Variants in THSD7B observed in about 807,000 individuals in gnomAD.
THSD7B encodes thrombospondin type-1 domain-containing protein 7B.
In THSD7B, 138 loss-of-function variants were observed where a neutral mutation model predicts 213.6. The observed-to-expected ratio is 0.65, with a 90% CI of 0.56 to 0.74. THSD7B has a LOEUF of 0.74. THSD7B is among the 30% of genes least tolerant of loss of function. The pLI is 0.00. For missense variants in THSD7B, 1,931 were observed against 1,991.5 expected, an observed-to-expected ratio of 0.97 and a Z score of 0.58; for synonymous variants, 742 against 687.0, an observed-to-expected ratio of 1.08 and a Z score of -1.25.
At chr2:137,350,848 G>A (rs1013756866) in intron 12 of THSD7B, among the ~76,000 whole-genome samples, 6 of 152,000 alleles carry the variant, frequency 3.9e-5, no homozygotes, top group Admixed American at 2.6e-4. Context: ...AAGGAAAGAC[G>A]AAACCAGGAC....
At chr2:136,881,583 A>G (rs1242719431) in intron 1 of THSD7B, among the ~76,000 whole-genome samples, 6 of 152,126 alleles carry the variant, frequency 3.9e-5, no homozygotes, top group South Asian at 2.1e-4. Flanking sequence ...TACAGAAGAA[A>G]CTTACTTGAT....
Position 137,438,924 on chromosome 2 carries a change from G to A in THSD7B, c.2960-11921G>A, listed in dbSNP as rs561647151. On this transcript the variant is annotated intron_variant, in intron 14 of 27. Coordinates refer to ENST00000409968, the MANE Select transcript of THSD7B (RefSeq NM_001316349.2). ...GGGTAGGCTGTAAAACCAATTATTA[G>A]CGTCCTTACAAGAGAAAAGAGAAAG... 5.9e-5 allele frequency among the ~76,000 whole-genome samples: 9 copies of A among 152,124 alleles called. No homozygotes were observed. The South Asian group carries it at 8.3e-4, about 14-fold the overall frequency.
intron 1 of THSD7B, among the ~76,000 whole-genome samples, chr2:136,775,602 G>A (rs887956163): frequency 6.6e-6 from 1 of 152,130 alleles, no homozygotes. Context: ...ATGCATATGG[G>A]AGGTGGGAAG....
chr2:137,442,991 T>C (rs1687450593), intron 14 of THSD7B, among the ~76,000 whole-genome samples: 1 of 152,158 alleles, frequency 6.6e-6, no homozygotes, highest in Non-Finnish European at 1.5e-5. Flanking sequence ...TGTTATGTGA[T>C]TAAAGCATTC....
chr2:136,902,290 C>A (rs115366438), intron 2 of THSD7B, among the ~76,000 whole-genome samples: 2,302 of 152,322 alleles, frequency 0.015, 31 homozygotes, highest in Middle Eastern at 0.041. Context: ...TCAGAACTGA[C>A]ACCGGAGATT....
intron 10 of THSD7B, among the ~76,000 whole-genome samples, chr2:137,267,891 G>A (rs1682633986): frequency 6.6e-6 from 1 of 152,132 alleles, no homozygotes; most frequent in East Asian, 1.9e-4. Flanking sequence ...ACTTTTTCTT[G>A]AGTATTCAGT....
At chr2:137,161,418 TGC>T (rs142258004) in intron 6 of THSD7B, among the ~76,000 whole-genome samples, 5,065 of 152,280 alleles carry the variant, frequency 0.033, 118 homozygotes, top group Middle Eastern at 0.051. Context: ...CTAGCATGCT[TGC>T]ATACCTAGCA....
chr2:137,221,782 A>G (rs2105045162), intron 7 of THSD7B, among the ~76,000 whole-genome samples: 1 of 152,314 alleles, frequency 6.6e-6, no homozygotes, highest in South Asian at 2.1e-4. Context: ...ACAGAGATAA[A>G]TGATTATTCT....
At chr2:137,603,241 T>C (rs1157381144) in intron 17 of THSD7B, among the ~76,000 whole-genome samples, 1 of 152,248 alleles carries the variant, frequency 6.6e-6, no homozygotes, top group African/African-American at 2.4e-5. Flanking sequence ...TTATCTCACT[T>C]CATTGCCTTC....
intron 5 of THSD7B, among the ~76,000 whole-genome samples, chr2:137,151,738 T>C (rs972789555): frequency 6.6e-6 from 1 of 152,184 alleles, no homozygotes; most frequent in African/African-American, 2.4e-5. Flanking sequence ...TGCTGTACTT[T>C]TATATGACTA....
At chr2:137,249,439 A>G (rs376555773) in intron 10 of THSD7B, among the ~76,000 whole-genome samples, 1 of 152,100 alleles carries the variant, frequency 6.6e-6, no homozygotes, top group Non-Finnish European at 1.5e-5. Context: ...TCTGGTCTAA[A>G]CTCCTTCAAA....
chr2:137,192,483 T>C (rs1487498416), intron 7 of THSD7B, among the ~76,000 whole-genome samples: 1 of 152,170 alleles, frequency 6.6e-6, no homozygotes, highest in African/African-American at 2.4e-5. Context: ...AAAGCATTGG[T>C]ATACTTGTAT....
chr2:137,102,596 TAAAGGAGCATG>T (rs1472805754), intron 4 of THSD7B, among the ~76,000 whole-genome samples: 3 of 152,108 alleles, frequency 2.0e-5, no homozygotes, highest in Non-Finnish European at 4.4e-5. Flanking sequence ...TCCTCCCAGC[TAAAGGAGCATG>T]TTCTAACCCA....
At chr2:137,473,093 G>GTTT (rs772865121) in intron 15 of THSD7B, among the ~76,000 whole-genome samples, 32 of 132,936 alleles carry the variant, frequency 2.4e-4, no homozygotes, top group African/African-American at 8.1e-4. Context: ...ACTATTAATT[G>GTTT]TTTTTTTTTT....
At chr2:137,301,094 A>G (rs577242988) in intron 12 of THSD7B, among the ~76,000 whole-genome samples, 2 of 152,214 alleles carry the variant, frequency 1.3e-5, no homozygotes, top group African/African-American at 2.4e-5. Context: ...CAATATAAAA[A>G]CCTGCCTCCC....
chr2:137,606,352 C>T (rs890140458), intron 17 of THSD7B, among the ~76,000 whole-genome samples: 2 of 152,102 alleles, frequency 1.3e-5, no homozygotes, highest in Non-Finnish European at 2.9e-5. Context: ...AAGTATGCAA[C>T]TGGATAACAC....
At chr2:136,940,133 T>A (rs1045391190) in intron 2 of THSD7B, among the ~76,000 whole-genome samples, 1 of 152,088 alleles carries the variant, frequency 6.6e-6, no homozygotes, top group Non-Finnish European at 1.5e-5. Flanking sequence ...CAGTATACAT[T>A]GTACCCATTA....
intron 12 of THSD7B, among the ~76,000 whole-genome samples, chr2:137,279,829 G>T (rs185923586): frequency 1.3e-5 from 2 of 152,058 alleles, no homozygotes; most frequent in Non-Finnish European, 2.9e-5. Context: ...CTGCACATAT[G>T]ACTTTATTTG....
intron 3 of THSD7B, among the ~76,000 whole-genome samples, chr2:137,075,147 G>A (rs1687591890): frequency 6.6e-6 from 1 of 152,104 alleles, no homozygotes; most frequent in South Asian, 2.1e-4. Flanking sequence ...TGCCAGATTG[G>A]GGAAAGTCTC....
Sources: gnomAD v4.1 joint callset for allele counts (sites outside exome capture counted in the v4.1 genomes callset) on GRCh38, gnomAD v4.1.1 for gene constraint, MANE v1.5 for transcripts, NCBI Gene and HGNC (gene_info 2026-07-23, HGNC 2026-07-21) for gene names.